Variants in DYRK1A observed in about 807,000 individuals in gnomAD.
The protein encoded by DYRK1A is dual specificity tyrosine phosphorylation regulated kinase 1A.
DYRK1A carries 9 observed loss-of-function variants against 79.7 expected under a neutral mutation model. The ratio of observed to expected loss-of-function variants is 0.11; its 90% confidence interval spans 0.07 to 0.20. The LOEUF (loss-of-function observed/expected upper bound fraction) is 0.20, where lower values mean the gene tolerates loss of function less well. DYRK1A is among the 10% of genes least tolerant of loss of function. DYRK1A has a pLI of 1.00. For missense variants in DYRK1A, 622 were observed against 956.0 expected (o/e 0.65, Z 4.61); for synonymous variants, 349 against 329.7 (o/e 1.06, Z -0.63).
At position 37,426,147 on chromosome 21, in the gene DYRK1A, T is replaced by TG. The variant is rs558290840; in HGVS notation, c.10+5764dup. The stretch of plus-strand genomic sequence containing the variant: ...GAGATAATGAGGGCAAAGGAAAAAA[T>TG]GTCAGATGAAAGTGGGAGAAGATAA... On this transcript the variant is annotated intron_variant, in intron 2 of 11. Coordinates refer to ENST00000647188, the MANE Select transcript of DYRK1A (RefSeq NM_001347721.2). Among the ~76,000 whole-genome samples, 8 of 152,016 alleles carry TG rather than the reference T, an allele frequency of 5.3e-5. No individual in the cohort carries two copies. In the South Asian group the frequency reaches 1.7e-3, roughly 32 times the overall value.
chr21:37,467,022 T>C (rs1049241693), intron 2 of DYRK1A, among the ~76,000 whole-genome samples: 2 of 146,214 alleles, frequency 1.4e-5, no homozygotes, highest in Non-Finnish European at 3.0e-5. Flanking sequence ...CAGCAGAAAA[T>C]AGAAAATCTG....
intron 1 of DYRK1A, among the ~76,000 whole-genome samples, chr21:37,389,402 G>A (rs2049827073): frequency 6.6e-6 from 1 of 152,168 alleles, no homozygotes; most frequent in South Asian, 2.1e-4. Context: ...CTGGGCTCAA[G>A]CAGTCTGCCC....
intron 1 of DYRK1A, among the ~76,000 whole-genome samples, chr21:37,389,932 T>G (rs374845368): frequency 1.1e-3 from 173 of 151,746 alleles, no homozygotes; most frequent in Middle Eastern, 3.4e-3. Flanking sequence ...TTTGTTTTTT[T>G]TTTTTTTTAG....
At chr21:37,499,169 A>C (rs981233492) in intron 9 of DYRK1A, among the ~76,000 whole-genome samples, 3 of 152,094 alleles carry the variant, frequency 2.0e-5, no homozygotes, top group African/African-American at 7.2e-5. Context: ...TTATCCTGAA[A>C]AATCTTTGCC....
At chr21:37,395,554 T>C (rs2148393159) in intron 1 of DYRK1A, among the ~76,000 whole-genome samples, 1 of 152,320 alleles carries the variant, frequency 6.6e-6, no homozygotes, top group Middle Eastern at 3.4e-3. Context: ...ATACATTTAA[T>C]TTATTGAATT....
chr21:37,485,375 G>A (rs916644363), intron 5 of DYRK1A, among the ~76,000 whole-genome samples: 2 of 152,180 alleles, frequency 1.3e-5, no homozygotes, highest in South Asian at 4.1e-4. Flanking sequence ...AGACCACAGA[G>A]AGTGTCTTTT....
rs1601352006 is a variant in DYRK1A at position 37,526,020 on chromosome 21, G to GTTTA, written c.*13490_*13491insTTAT. ...ACAGTGTTTATGTGAAACTCCTACT[G>GTTTA]TGTTAAGTGATTTCAAGAAGAACTA... is the stretch of plus-strand genomic sequence containing the variant. On this transcript the variant is annotated 3_prime_UTR_variant, in exon 12 of 12. Coordinates refer to ENST00000647188, the MANE Select transcript of DYRK1A (RefSeq NM_001347721.2). 1.3e-5 allele frequency: 2 copies of GTTTA among 152,312 alleles called. No individual in the cohort carries two copies. Among genetic ancestry groups the GTTTA allele is most frequent in the East Asian group, 3.9e-4 (2 of 5,184 alleles). The allele number at this position is 152,312 out of a possible 1,614,324, so 9.4% of individuals were successfully genotyped here. A position where few individuals can be genotyped will look rare whatever the true frequency, so the allele number is the denominator to read the frequency against.
chr21:37,471,916 T>A (rs144230461), intron 2 of DYRK1A, among the ~76,000 whole-genome samples: 9 of 152,360 alleles, frequency 5.9e-5, no homozygotes, highest in Middle Eastern at 6.8e-3. Flanking sequence ...GAAAAATCTT[T>A]TTTTTATCCT....
At chr21:37,379,322 C>T (rs1416350819) in intron 1 of DYRK1A, among the ~76,000 whole-genome samples, 3 of 151,980 alleles carry the variant, frequency 2.0e-5, no homozygotes, top group Non-Finnish European at 4.4e-5. Flanking sequence ...ATGGGAAAAC[C>T]TTAAAAATAT....
chr21:37,415,080 C>T (rs1297406690), intron 1 of DYRK1A, among the ~76,000 whole-genome samples: 1 of 152,022 alleles, frequency 6.6e-6, no homozygotes, highest in Non-Finnish European at 1.5e-5. Flanking sequence ...GAGGCATTTC[C>T]CTCCTGTTTT....
intron 1 of DYRK1A, among the ~76,000 whole-genome samples, chr21:37,403,624 C>T (rs1602413897): frequency 1.5e-5 from 2 of 129,692 alleles, no homozygotes; most frequent in South Asian, 2.7e-4. Context: ...CCCCACTATG[C>T]TCAGCTAATT....
intron 1 of DYRK1A, among the ~76,000 whole-genome samples, chr21:37,411,049 T>TTA (rs1391560478): frequency 5.3e-5 from 3 of 56,410 alleles, no homozygotes; most frequent in Non-Finnish European, 6.0e-5. Flanking sequence ...ATTCTGTCTT[T>TTA]AAAAAAAAAA....
rs2052616266 is a variant in DYRK1A, at chr21:37,480,888, G to A, written c.489+62G>A. ...AAAGAACTTCTTAGTGAATCTTGTT[G>A]TTAACAGCCCTTCCTCAAGAGTGTA... On this transcript the variant is annotated intron_variant, in intron 5 of 11. Coordinates refer to ENST00000647188, the MANE Select transcript of DYRK1A (RefSeq NM_001347721.2). 7 of 1,328,590 alleles carry A rather than the reference G, an allele frequency of 5.3e-6. No individual in the cohort carries two copies. In the East Asian group the frequency reaches 1.4e-4, roughly 27 times the overall value. 82.3% of individuals were successfully genotyped at this position (1,328,590 alleles called of 1,614,324 possible). A position where few individuals can be genotyped will look rare whatever the true frequency, so the allele number is the denominator to read the frequency against.
rs540053948 is a variant in DYRK1A at position 37,458,935 on chromosome 21, G to C, written c.11-13749G>C. 2.2e-4 allele frequency among the ~76,000 whole-genome samples: 34 copies of C among 152,318 alleles called. No individual in the cohort carries two copies. The East Asian group carries it at 5.8e-3, about 26-fold the overall frequency. ...AGAGAAGCCCTCATCTCCTGACTGA[G>C]AGTGGGAAGTGGCAGTCACTGAATG... On this transcript the variant is annotated intron_variant, in intron 2 of 11. Coordinates refer to ENST00000647188, the MANE Select transcript of DYRK1A (RefSeq NM_001347721.2).
chr21:37,427,332 G>A (rs1437453573), intron 2 of DYRK1A, among the ~76,000 whole-genome samples: 1 of 152,170 alleles, frequency 6.6e-6, no homozygotes, highest in Non-Finnish European at 1.5e-5. Context: ...CCCTAGGCTG[G>A]TTTTGAACTG....
At chr21:37,370,588 C>A (rs936525525) in intron 1 of DYRK1A, among the ~76,000 whole-genome samples, 4 of 152,148 alleles carry the variant, frequency 2.6e-5, no homozygotes, top group African/African-American at 7.2e-5. Flanking sequence ...TGTACACACA[C>A]AGGAAGCAGT....
intron 2 of DYRK1A, chr21:37,430,451 G>A (rs777600580): frequency 8.3e-5 from 81 of 975,138 alleles, no homozygotes; most frequent in Non-Finnish European, 9.7e-5. Flanking sequence ...TGTTCAACTT[G>A]CACTAGGATA....
chr21:37,503,511 TC>T (rs2053511566), intron 9 of DYRK1A: 1 of 152,216 alleles, frequency 6.6e-6, no homozygotes, highest in Non-Finnish European at 1.5e-5. Flanking sequence ...AGCCTTGACT[TC>T]CTTGGCTCAA....
chr21:37,416,640 G>C (rs1477067182), intron 1 of DYRK1A, among the ~76,000 whole-genome samples: 1 of 152,046 alleles, frequency 6.6e-6, no homozygotes, highest in African/African-American at 2.4e-5. Context: ...AAGTTTATAA[G>C]AGAATGTTAG....
Sources: gnomAD v4.1 joint callset for allele counts (sites outside exome capture counted in the v4.1 genomes callset) on GRCh38, gnomAD v4.1.1 for gene constraint, MANE v1.5 for transcripts, NCBI Gene and HGNC (gene_info 2026-07-23, HGNC 2026-07-21) for gene names.